The following SGCZ variants were observed in gnomAD, a reference collection of about 807,000 sequenced individuals.
SGCZ encodes the protein sarcoglycan zeta, also known as zeta-sarcoglycan.
A neutral mutation model predicts 41.3 loss-of-function variants in SGCZ; 40 were observed. The ratio of observed to expected loss-of-function variants is 0.97; its 90% confidence interval spans 0.75 to 1.26. The LOEUF (loss-of-function observed/expected upper bound fraction) is 1.26, where lower values mean the gene tolerates loss of function less well. Among genes scored for constraint, SGCZ ranks in the 50% most tolerant of loss-of-function variants. SGCZ has a pLI of 0.00. For synonymous variants in SGCZ, 206 were observed against 137.5 expected, an observed-to-expected ratio of 1.50 and a Z score of -3.49; for missense variants, 552 against 369.8, an observed-to-expected ratio of 1.49 and a Z score of -4.04.
chr8:14,840,680 T>C lies in SGCZ; in HGVS notation c.40-285754A>G, dbSNP rs7845154. Among the ~76,000 whole-genome samples the C allele has an allele frequency of 7.6e-3, 1,151 of 152,242 alleles. 16 individuals are homozygous for C. The highest frequency in any genetic ancestry group is 0.026 in the African/African-American group (1,075 of 41,560). On this transcript the variant is annotated intron_variant, in intron 1 of 7. Transcript: ENST00000382080. The stretch of plus-strand genomic sequence containing the variant: ...TAGAGCATGAAACATCAATTGAGGA[T>C]ATCTAAATAATTTTATCTTGTCAGG...
chr8:14,442,103 C>G (rs1182644039), intron 2 of SGCZ, among the ~76,000 whole-genome samples: 2 of 152,150 alleles, frequency 1.3e-5, no homozygotes, highest in Non-Finnish European at 2.9e-5. Flanking sequence ...AATAGCTTTT[C>G]CTGAGATCAC....
At chr8:14,323,405 C>A (rs1007892391) in intron 3 of SGCZ, among the ~76,000 whole-genome samples, 3 of 151,870 alleles carry the variant, frequency 2.0e-5, no homozygotes, top group Non-Finnish European at 2.9e-5. Flanking sequence ...CTTATTTCCA[C>A]AAATACACAT....
chr8:15,157,122 A>G (rs1243596395), intron 1 of SGCZ, among the ~76,000 whole-genome samples: 1 of 152,198 alleles, frequency 6.6e-6, no homozygotes, highest in Non-Finnish European at 1.5e-5. Context: ...AATGATGCAG[A>G]GGCAGAAAAA....
chr8:14,631,692 C>T (rs1241337206), intron 1 of SGCZ, among the ~76,000 whole-genome samples: 1 of 152,072 alleles, frequency 6.6e-6, no homozygotes, highest in Non-Finnish European at 1.5e-5. Context: ...GACATTGACT[C>T]TCATGGTGAG....
chr8:14,214,371 G>T (rs1805919949), intron 4 of SGCZ, among the ~76,000 whole-genome samples: 1 of 151,962 alleles, frequency 6.6e-6, no homozygotes, highest in Non-Finnish European at 1.5e-5. Flanking sequence ...TGGGATACCG[G>T]AACAGAAAAA....
intron 1 of SGCZ, among the ~76,000 whole-genome samples, chr8:14,809,162 G>C (rs201814360): frequency 1.3e-5 from 2 of 151,618 alleles, no homozygotes; most frequent in African/African-American, 4.9e-5. Flanking sequence ...GCACACCAGC[G>C]TGGCACATGT....
At chr8:14,350,244 CTTTT>C (rs35489045) in intron 2 of SGCZ, among the ~76,000 whole-genome samples, 1 of 144,752 alleles carries the variant, frequency 6.9e-6, no homozygotes. Flanking sequence ...AGGAGCAAAA[CTTTT>C]TTTTTTTTTA....
At chr8:14,095,505 G>A (rs1801815924) in intron 7 of SGCZ, among the ~76,000 whole-genome samples, 1 of 152,122 alleles carries the variant, frequency 6.6e-6, no homozygotes, top group African/African-American at 2.4e-5. Context: ...GGTTACTGTA[G>A]CCTTGTAGTA....
At position 14,088,789 on chromosome 8, in the gene SGCZ, C is replaced by T. The variant is rs143634050; in HGVS notation, c.*1654G>A. On this transcript the variant is annotated 3_prime_UTR_variant, in exon 8 of 8. Coordinates refer to ENST00000382080, the MANE Select transcript of SGCZ (RefSeq NM_139167.4). ...AAGATAATTCTGGTCAAATATTTCACTTTTCTTCTTGCATTGCCAATATTT... is the reference window on the plus strand; with the variant it reads ...AAGATAATTCTGGTCAAATATTTCATTTTTCTTCTTGCATTGCCAATATTT... 2.6e-3 allele frequency among the ~76,000 whole-genome samples: 397 copies of T among 151,950 alleles called. 2 individuals carry two copies. The highest frequency in any genetic ancestry group is 8.9e-3 in the African/African-American group (368 of 41,502).
intron 2 of SGCZ, among the ~76,000 whole-genome samples, chr8:14,479,715 C>T (rs1388715376): frequency 6.8e-6 from 1 of 146,776 alleles, no homozygotes; most frequent in Non-Finnish European, 1.5e-5. Context: ...GGTCGCATAC[C>T]TCCAGAATTC....
chr8:14,280,718 G>C (rs1295281267), intron 3 of SGCZ, among the ~76,000 whole-genome samples: 1 of 151,422 alleles, frequency 6.6e-6, no homozygotes, highest in Admixed American at 6.6e-5. Context: ...ATTGACTTTG[G>C]ACATCTTTCA....
At chr8:14,718,427 T>C (rs1240478969) in intron 1 of SGCZ, among the ~76,000 whole-genome samples, 2 of 152,056 alleles carry the variant, frequency 1.3e-5, no homozygotes, top group African/African-American at 4.8e-5. Flanking sequence ...AATCATGTGA[T>C]GCTCTTTTTA....
intron 2 of SGCZ, among the ~76,000 whole-genome samples, chr8:14,362,539 A>C (rs895633262): frequency 6.6e-6 from 1 of 152,186 alleles, no homozygotes; most frequent in African/African-American, 2.4e-5. Context: ...CTGGTTACGA[A>C]GACTGTGGGA....
intron 1 of SGCZ, among the ~76,000 whole-genome samples, chr8:15,066,140 C>G (rs2131019707): frequency 6.6e-6 from 1 of 151,758 alleles, no homozygotes; most frequent in South Asian, 2.1e-4. Context: ...AACCCCGTCT[C>G]TACCAAAAAT....
At chr8:14,270,261 G>A (rs1334416890) in intron 3 of SGCZ, among the ~76,000 whole-genome samples, 2 of 152,122 alleles carry the variant, frequency 1.3e-5, no homozygotes, top group Non-Finnish European at 2.9e-5. Context: ...GAACCTGGGA[G>A]GCGGAGGTTG....
chr8:14,967,065 A>T (rs1003969420), intron 1 of SGCZ, among the ~76,000 whole-genome samples: 2 of 152,120 alleles, frequency 1.3e-5, no homozygotes, highest in Non-Finnish European at 2.9e-5. Context: ...AGATTAAGTC[A>T]CTCTTTCATT....
chr8:14,363,750 G>C (rs1373629308), intron 2 of SGCZ, among the ~76,000 whole-genome samples: 1 of 152,048 alleles, frequency 6.6e-6, no homozygotes, highest in Non-Finnish European at 1.5e-5. Flanking sequence ...TTTACAAATG[G>C]CAGACTGCTT....
At chr8:14,700,425 A>G (rs1809099095) in intron 1 of SGCZ, among the ~76,000 whole-genome samples, 1 of 151,892 alleles carries the variant, frequency 6.6e-6, no homozygotes. Context: ...CACATGCACA[A>G]AAGATAGGAA....
At chr8:14,599,426 A>G (rs1027529918) in intron 1 of SGCZ, among the ~76,000 whole-genome samples, 2 of 152,196 alleles carry the variant, frequency 1.3e-5, no homozygotes, top group Admixed American at 1.3e-4. Flanking sequence ...AAATGTGGAA[A>G]GTCACACAGC....
Sources: gnomAD v4.1 joint callset for allele counts (sites outside exome capture counted in the v4.1 genomes callset) on GRCh38, gnomAD v4.1.1 for gene constraint, MANE v1.5 for transcripts, NCBI Gene and HGNC (gene_info 2026-07-23, HGNC 2026-07-21) for gene names.